Variants in IGFBP7 observed in about 807,000 individuals in gnomAD.
IGFBP7 encodes the protein insulin-like growth factor-binding protein 7.
Under a neutral mutation model 29.4 loss-of-function variants are expected in IGFBP7, and 31 were observed. The observed-to-expected ratio is 1.05, with a 90% confidence interval of 0.79 to 1.42. The LOEUF (loss-of-function observed/expected upper bound fraction) is 1.42, where lower values mean the gene tolerates loss of function less well. Ranked by LOEUF, IGFBP7 falls within the 40% of genes most tolerant of loss-of-function variation. The pLI is 0.00. For synonymous variants in IGFBP7, 172 were observed against 174.9 expected (o/e 0.98, Z 0.13); for missense variants, 393 against 395.5 (o/e 0.99, Z 0.05).
chr4:57,083,757 G>A (rs1369947852), intron 1 of IGFBP7, among the ~76,000 whole-genome samples: 1 of 152,200 alleles, frequency 6.6e-6, no homozygotes, highest in Non-Finnish European at 1.5e-5. Context: ...TAATAAATTT[G>A]AAATTTTAAT....
At chr4:57,043,994 C>T (rs1216235590) in intron 1 of IGFBP7, among the ~76,000 whole-genome samples, 1 of 152,192 alleles carries the variant, frequency 6.6e-6, no homozygotes, top group Non-Finnish European at 1.5e-5. Flanking sequence ...CACACACAGA[C>T]TTGGCAGGAG....
intron 1 of IGFBP7, among the ~76,000 whole-genome samples, chr4:57,102,554 A>G (rs1289604507): frequency 6.6e-6 from 1 of 152,160 alleles, no homozygotes; most frequent in Non-Finnish European, 1.5e-5. Flanking sequence ...ATTTAATTCC[A>G]GGCCTTTTAA....
chr4:57,032,269 T>C lies in IGFBP7; in HGVS notation c.829+157A>G, dbSNP rs1427293662. On this transcript the variant is annotated intron_variant, in intron 4 of 4. Transcript: ENST00000295666. ...CCCATCCAGATAATCTTTTGGAGTCTCATGCTGTACATTTTAATGGCATAC... is the reference window on the plus strand; with the variant it reads ...CCCATCCAGATAATCTTTTGGAGTCCCATGCTGTACATTTTAATGGCATAC... 3 of 1,434,318 alleles carry C rather than the reference T, an allele frequency of 2.1e-6. No homozygotes were observed. In the African/African-American group the frequency reaches 4.3e-5, roughly 21 times the overall value. The allele number at this position is 1,434,318 out of a possible 1,614,324, so 88.8% of individuals were successfully genotyped here. A position where few individuals can be genotyped will look rare whatever the true frequency, so the allele number is the denominator to read the frequency against.
At chr4:57,068,926 C>A (rs1230073753) in intron 1 of IGFBP7, among the ~76,000 whole-genome samples, 1 of 152,032 alleles carries the variant, frequency 6.6e-6, no homozygotes, top group African/African-American at 2.4e-5. Flanking sequence ...CTTTCCATGG[C>A]CACTTTTGGA....
Position 57,048,340 on chromosome 4 carries a change from C to T in IGFBP7, c.476-7407G>A, listed in dbSNP as rs557450558. Among the ~76,000 whole-genome samples, 18 of 152,306 alleles carry T rather than the reference C, an allele frequency of 1.2e-4. No individual in the cohort carries two copies. In the South Asian group the frequency reaches 2.7e-3, roughly 23 times the overall value. On this transcript the variant is annotated intron_variant, in intron 1 of 4. Coordinates refer to ENST00000295666, the MANE Select transcript of IGFBP7 (RefSeq NM_001553.3). ...CTGGGATTACAGGAGTGAGCAACAG[C>T]ACCCGGCCTCCTTTGCCACTTTTAA...
intron 1 of IGFBP7, among the ~76,000 whole-genome samples, chr4:57,054,981 C>T (rs1290949140): frequency 6.6e-6 from 1 of 152,168 alleles, no homozygotes; most frequent in African/African-American, 2.4e-5. Flanking sequence ...CTTTAGAAAT[C>T]CCAGCAAATC....
At chr4:57,080,724 C>G (rs950708704) in intron 1 of IGFBP7, among the ~76,000 whole-genome samples, 3 of 152,156 alleles carry the variant, frequency 2.0e-5, no homozygotes, top group African/African-American at 7.2e-5. Context: ...TTATTTAGAA[C>G]TGACCAGAGA....
intron 1 of IGFBP7, among the ~76,000 whole-genome samples, chr4:57,093,105 A>G (rs1408501259): frequency 6.6e-6 from 1 of 152,208 alleles, no homozygotes; most frequent in Non-Finnish European, 1.5e-5. Context: ...AATAACAAAA[A>G]AGATCTTTAG....
intron 1 of IGFBP7, among the ~76,000 whole-genome samples, chr4:57,062,731 A>G (rs900554187): frequency 1.3e-5 from 2 of 152,250 alleles, no homozygotes; most frequent in Non-Finnish European, 2.9e-5. Flanking sequence ...TGCCATATGC[A>G]TAGAATTACC....
chr4:57,042,038 G>C (rs1169990675), intron 1 of IGFBP7, among the ~76,000 whole-genome samples: 1 of 152,190 alleles, frequency 6.6e-6, no homozygotes, highest in Admixed American at 6.5e-5. Flanking sequence ...ATTGGCAAGT[G>C]GGGGGCACCC....
At chr4:57,089,395 G>A (rs2067626) in intron 1 of IGFBP7, among the ~76,000 whole-genome samples, 4,735 of 152,246 alleles carry the variant, frequency 0.031, 112 homozygotes, top group Non-Finnish European at 0.049. Context: ...TTATTTCTGT[G>A]AAGGAAAGAG....
At chr4:57,042,684 GA>G (rs1724260502) in intron 1 of IGFBP7, among the ~76,000 whole-genome samples, 1 of 152,218 alleles carries the variant, frequency 6.6e-6, no homozygotes, top group Admixed American at 6.5e-5. Context: ...TTAAAAGATG[GA>G]TATTTCATGA....
At chr4:57,081,132 T>C (rs1347382031) in intron 1 of IGFBP7, among the ~76,000 whole-genome samples, 1 of 152,204 alleles carries the variant, frequency 6.6e-6, no homozygotes, top group Non-Finnish European at 1.5e-5. Context: ...AAATGGGCCT[T>C]GAGTGATACT....
intron 1 of IGFBP7, among the ~76,000 whole-genome samples, chr4:57,042,754 A>G (rs1401143161): frequency 6.6e-6 from 1 of 152,244 alleles, no homozygotes; most frequent in Non-Finnish European, 1.5e-5. Context: ...ACACAGCCAC[A>G]CTTATTTGTT....
chr4:57,056,451 T>C (rs1218252443), intron 1 of IGFBP7, among the ~76,000 whole-genome samples: 1 of 152,120 alleles, frequency 6.6e-6, no homozygotes, highest in Non-Finnish European at 1.5e-5. Context: ...TTCTGAGTGC[T>C]AAGAGGAATT....
intron 1 of IGFBP7, among the ~76,000 whole-genome samples, chr4:57,088,125 C>T (rs1353413689): frequency 9.0e-6 from 1 of 110,754 alleles, no homozygotes; most frequent in East Asian, 2.9e-4. Context: ...TGCACTACCA[C>T]ACCTGGCTAA....
At chr4:57,049,887 C>A (rs1410369648) in intron 1 of IGFBP7, among the ~76,000 whole-genome samples, 1 of 152,074 alleles carries the variant, frequency 6.6e-6, no homozygotes, top group African/African-American at 2.4e-5. Flanking sequence ...AAAAGATAGC[C>A]ACTGTCTTGA....
At chr4:57,069,176 G>A (rs1455669567) in intron 1 of IGFBP7, among the ~76,000 whole-genome samples, 1 of 152,176 alleles carries the variant, frequency 6.6e-6, no homozygotes, top group Non-Finnish European at 1.5e-5. Flanking sequence ...TTCAAGACAG[G>A]ATCTCACCAA....
intron 1 of IGFBP7, among the ~76,000 whole-genome samples, chr4:57,050,300 A>G (rs1724471944): frequency 5.3e-5 from 8 of 150,554 alleles, no homozygotes; most frequent in Admixed American, 5.3e-4. Context: ...GCAGGAGTGA[A>G]GTTGTGCAAT....
Sources: allele counts gnomAD v4.1 joint callset (sites outside exome capture counted in the v4.1 genomes callset), GRCh38; gene constraint gnomAD v4.1.1; transcripts MANE v1.5; gene names NCBI Gene and HGNC (gene_info 2026-07-23, HGNC 2026-07-21).